ADAMTS18: variants seen among roughly 807,000 people sequenced by gnomAD.
ADAMTS18 encodes A disintegrin and metalloproteinase with thrombospondin motifs 18.
A neutral mutation model predicts 165.9 loss-of-function variants in ADAMTS18; 157 were observed. That is an observed-to-expected ratio of 0.95 (90% CI 0.83 to 1.08). The LOEUF (loss-of-function observed/expected upper bound fraction) is 1.08. ADAMTS18 is among the 50% of genes least tolerant of loss of function. ADAMTS18 has a pLI of 0.00. For missense variants in ADAMTS18, 2,040 were observed against 1,534.0 expected (o/e 1.33, Z -5.51); for synonymous variants, 782 against 578.2 (o/e 1.35, Z -5.06).
chr16:77,296,807 G>A (rs1216828020), intron 18 of ADAMTS18, among the ~76,000 whole-genome samples: 1 of 152,064 alleles, frequency 6.6e-6, no homozygotes, highest in East Asian at 1.9e-4. Flanking sequence ...GCAACAGAGT[G>A]AGACTCCTTG....
At chr16:77,286,843 A>AGG (rs2055261627) in intron 22 of ADAMTS18, among the ~76,000 whole-genome samples, 1 of 152,174 alleles carries the variant, frequency 6.6e-6, no homozygotes, top group Non-Finnish European at 1.5e-5. Context: ...TGACTGCTTT[A>AGG]GGGCCTTCTC....
intron 3 of ADAMTS18, among the ~76,000 whole-genome samples, chr16:77,393,986 T>C (rs1445123861): frequency 6.6e-6 from 1 of 152,254 alleles, no homozygotes; most frequent in African/African-American, 2.4e-5. Context: ...ACATGTGGTC[T>C]AATTGGATTA....
chr16:77,384,741 G>A (rs2057081189), intron 3 of ADAMTS18, among the ~76,000 whole-genome samples: 2 of 152,002 alleles, frequency 1.3e-5, no homozygotes, highest in South Asian at 2.1e-4. Context: ...CAAAAATTTA[G>A]ACAAGAAGAG....
chr16:77,429,132 A>T (rs1430024050), intron 3 of ADAMTS18, among the ~76,000 whole-genome samples: 1 of 152,228 alleles, frequency 6.6e-6, no homozygotes, highest in Admixed American at 6.5e-5. Flanking sequence ...AGACACATGC[A>T]TGTGAATGTT....
At chr16:77,323,434 AT>A (rs913133539) in intron 13 of ADAMTS18, among the ~76,000 whole-genome samples, 6 of 152,184 alleles carry the variant, frequency 3.9e-5, no homozygotes, top group Admixed American at 2.6e-4. Flanking sequence ...CCCATCTATA[AT>A]TTTTTTTAAT....
At position 77,324,069 on chromosome 16, in the gene ADAMTS18, A is replaced by G. The variant is rs1290943680; in HGVS notation, c.2033-1603T>C. ...TCAACACAGAATTTCTTTAAGGGCG[A>G]TAACAGGACTGATTTCATAAACACT... On this transcript the variant is annotated intron_variant, in intron 13 of 22. Coordinates refer to ENST00000282849, the MANE Select transcript of ADAMTS18 (RefSeq NM_199355.4). Among the ~76,000 whole-genome samples, 5 of 152,254 alleles carry G rather than the reference A, an allele frequency of 3.3e-5. No individual in the cohort carries two copies. The East Asian group carries it at 5.8e-4, about 18-fold the overall frequency.
intron 2 of ADAMTS18, among the ~76,000 whole-genome samples, chr16:77,434,052 A>G (rs758786429): frequency 3.9e-5 from 6 of 152,204 alleles, no homozygotes; most frequent in Non-Finnish European, 8.8e-5. Flanking sequence ...ATCTCCCACT[A>G]AGAATTAGCT....
chr16:77,354,334 T>C (rs2056597980), intron 9 of ADAMTS18, among the ~76,000 whole-genome samples: 1 of 152,160 alleles, frequency 6.6e-6, no homozygotes, highest in East Asian at 1.9e-4. Context: ...TTTAAACAGA[T>C]AATGGAGCAG....
intron 9 of ADAMTS18, among the ~76,000 whole-genome samples, chr16:77,355,074 T>C (rs904526969): frequency 6.6e-6 from 1 of 152,120 alleles, no homozygotes; most frequent in Non-Finnish European, 1.5e-5. Context: ...TAATACACAG[T>C]GGTACAGGTT....
chr16:77,294,653 C>T (rs1037031925), intron 19 of ADAMTS18, among the ~76,000 whole-genome samples: 2 of 152,168 alleles, frequency 1.3e-5, no homozygotes, highest in African/African-American at 4.8e-5. Flanking sequence ...ATACTGGAAT[C>T]CTTTCTAGCT....
At chr16:77,314,176 T>G (rs8063930) in intron 16 of ADAMTS18, among the ~76,000 whole-genome samples, 1 of 152,136 alleles carries the variant, frequency 6.6e-6, no homozygotes, top group Non-Finnish European at 1.5e-5. Context: ...TATCTCCAGT[T>G]AGGAAGATGA....
At chr16:77,364,488 C>A (rs1020881456) in intron 4 of ADAMTS18, 107 bp from the exon 5 acceptor site, 8 of 1,276,182 alleles carry the variant, frequency 6.3e-6, no homozygotes, top group Non-Finnish European at 8.8e-6. Context: ...GTAACCAACA[C>A]ACCACCAATC....
At chr16:77,401,113 G>T (rs1020860056) in intron 3 of ADAMTS18, among the ~76,000 whole-genome samples, 4 of 152,062 alleles carry the variant, frequency 2.6e-5, no homozygotes, top group African/African-American at 9.7e-5. Flanking sequence ...AAATTAGCCA[G>T]GCGTGGTGGC....
At chr16:77,294,454 CTAACTT>C (rs2144575499) in intron 19 of ADAMTS18, among the ~76,000 whole-genome samples, 1 of 152,326 alleles carries the variant, frequency 6.6e-6, no homozygotes, top group South Asian at 2.1e-4. Flanking sequence ...TCTGTCCCTT[CTAACTT>C]TAAAATTTTA....
At chr16:77,344,053 ACACT>A (rs1035000545) in intron 10 of ADAMTS18, among the ~76,000 whole-genome samples, 72 of 150,824 alleles carry the variant, frequency 4.8e-4, no homozygotes, top group African/African-American at 1.4e-3. Flanking sequence ...TATTACACAA[ACACT>A]CAAAAAAAAA....
chr16:77,432,722 G>T (rs909075686), intron 2 of ADAMTS18, among the ~76,000 whole-genome samples: 2 of 151,050 alleles, frequency 1.3e-5, no homozygotes, highest in South Asian at 2.1e-4. Flanking sequence ...AAAAGGAAGA[G>T]AAATTTCTCT....
At chr16:77,325,391 TTTTA>T (rs1357258918) in intron 13 of ADAMTS18, among the ~76,000 whole-genome samples, 7 of 152,162 alleles carry the variant, frequency 4.6e-5, no homozygotes, top group Admixed American at 1.3e-4. Context: ...CTAGTATAAT[TTTTA>T]TTTATGATTC....
chr16:77,319,284 C>T (rs894969482), intron 16 of ADAMTS18, among the ~76,000 whole-genome samples: 2 of 152,138 alleles, frequency 1.3e-5, no homozygotes, highest in African/African-American at 4.8e-5. Flanking sequence ...CATTCTTTGG[C>T]GTTCTTGAAA....
At chr16:77,394,680 T>C (rs1464216531) in intron 3 of ADAMTS18, among the ~76,000 whole-genome samples, 1 of 152,216 alleles carries the variant, frequency 6.6e-6, no homozygotes, top group Admixed American at 6.5e-5. Flanking sequence ...ACCCAAAATT[T>C]GACTTACCAC....
Sources: gnomAD v4.1 joint callset for allele counts (sites outside exome capture counted in the v4.1 genomes callset) on GRCh38, gnomAD v4.1.1 for gene constraint, MANE v1.5 for transcripts, NCBI Gene and HGNC (gene_info 2026-07-23, HGNC 2026-07-21) for gene names.